PDE1C: variants seen among roughly 807,000 people sequenced by gnomAD.
PDE1C encodes the protein dual specificity calcium/calmodulin-dependent 3',5'-cyclic nucleotide phosphodiesterase 1C.
In PDE1C, 62 loss-of-function variants were observed where a neutral mutation model predicts 93.1. That is an observed-to-expected ratio of 0.67 (90% CI 0.54 to 0.82). The LOEUF (loss-of-function observed/expected upper bound fraction) is 0.82, where lower values mean the gene tolerates loss of function less well. PDE1C is among the 40% of genes least tolerant of loss of function. The probability of loss-of-function intolerance (pLI) is 0.00; values close to 1 mark genes in which losing one functional copy is unlikely to be tolerated. For synonymous variants in PDE1C, 325 were observed against 310.1 expected (o/e 1.05, Z -0.50); for missense variants, 742 against 884.6 (o/e 0.84, Z 2.04).
intron 3 of PDE1C, among the ~76,000 whole-genome samples, chr7:32,092,869 G>T (rs1289181758): frequency 8.2e-6 from 1 of 121,696 alleles, no homozygotes; most frequent in Non-Finnish European, 1.7e-5. Context: ...TGTGAATTCA[G>T]CATTATTACT....
chr7:31,713,674 A>G, the PDE1C span, among the ~76,000 whole-genome samples: 2 of 152,114 alleles, frequency 1.3e-5, no homozygotes, highest in Non-Finnish European at 2.9e-5. Flanking sequence ...AGGCATTTCC[A>G]TGTATCCTCT....
At chr7:31,622,681 C>T in the PDE1C span, among the ~76,000 whole-genome samples, 4 of 152,136 alleles carry the variant, frequency 2.6e-5, no homozygotes, top group South Asian at 4.2e-4. Flanking sequence ...GACACCCTAA[C>T]ATCACAATTA....
intron 2 of PDE1C, among the ~76,000 whole-genome samples, chr7:31,949,530 C>G (rs1341806420): frequency 6.6e-6 from 1 of 152,122 alleles, no homozygotes; most frequent in Non-Finnish European, 1.5e-5. Flanking sequence ...TATGTTTTCA[C>G]TTTTTATTTC....
chr7:32,415,096 C>T (rs1165486669), intron 1 of PDE1C, among the ~76,000 whole-genome samples: 2 of 152,082 alleles, frequency 1.3e-5, no homozygotes, highest in Non-Finnish European at 1.5e-5. Context: ...TTGGGAGGAT[C>T]GCTTGAGGCC....
the PDE1C span, among the ~76,000 whole-genome samples, chr7:31,649,054 TTCAC>T: frequency 6.6e-6 from 1 of 152,216 alleles, no homozygotes; most frequent in Non-Finnish European, 1.5e-5. Context: ...GTGTTTCAAA[TTCAC>T]TCACATTGAT....
chr7:32,188,220 G>GC (rs987961289), intron 2 of PDE1C, among the ~76,000 whole-genome samples: 1 of 149,018 alleles, frequency 6.7e-6, no homozygotes, highest in Non-Finnish European at 1.5e-5. Context: ...AAATTGGGGG[G>GC]GGATTTTACT....
intron 16 of PDE1C, among the ~76,000 whole-genome samples, chr7:31,779,416 C>A (rs1355763441): frequency 1.1e-4 from 17 of 152,218 alleles, no homozygotes; most frequent in Non-Finnish European, 7.3e-5. Flanking sequence ...TGACTATAAT[C>A]TTCCAAAAGC....
At chr7:31,734,103 T>G in the PDE1C span, among the ~76,000 whole-genome samples, 3 of 152,098 alleles carry the variant, frequency 2.0e-5, no homozygotes, top group Non-Finnish European at 2.9e-5. Context: ...GATTCAGATG[T>G]TTTCAGAAGG....
At chr7:32,222,167 C>A (rs913955326) in intron 1 of PDE1C, among the ~76,000 whole-genome samples, 22 of 152,134 alleles carry the variant, frequency 1.4e-4, no homozygotes, top group Admixed American at 1.1e-3. Context: ...CACAAACACA[C>A]CTCCCCAACA....
At chr7:31,985,986 G>A (rs879802910) in intron 2 of PDE1C, among the ~76,000 whole-genome samples, 18 of 152,144 alleles carry the variant, frequency 1.2e-4, no homozygotes, top group Non-Finnish European at 2.1e-4. Flanking sequence ...CACAGTTAGG[G>A]TGAAGTGGAT....
At chr7:31,745,218 TA>T in the PDE1C span, among the ~76,000 whole-genome samples, 1 of 152,338 alleles carries the variant, frequency 6.6e-6, no homozygotes, top group Non-Finnish European at 1.5e-5. Flanking sequence ...AGACTATTTC[TA>T]AGCCTGGTGA....
chr7:31,809,171 T>A (rs1393017009), intron 15 of PDE1C, 63 bp from the exon 16 acceptor site: 1 of 890,792 alleles, frequency 1.1e-6, no homozygotes, highest in Non-Finnish European at 1.9e-6. Flanking sequence ...TATAAACATC[T>A]TTAAGTCTGC....
chr7:31,988,626 C>T (rs1016374365), intron 2 of PDE1C, among the ~76,000 whole-genome samples: 5 of 152,130 alleles, frequency 3.3e-5, no homozygotes, highest in African/African-American at 4.8e-5. Flanking sequence ...GAGACTGAAG[C>T]AAGAGAATCA....
At chr7:32,143,933 G>A (rs188807435) in intron 3 of PDE1C, among the ~76,000 whole-genome samples, 2 of 152,150 alleles carry the variant, frequency 1.3e-5, no homozygotes, top group South Asian at 2.1e-4. Context: ...ACAAGAGCAC[G>A]CATTCTGCCC....
At chr7:32,006,221 T>C (rs1786232212) in intron 2 of PDE1C, among the ~76,000 whole-genome samples, 1 of 152,214 alleles carries the variant, frequency 6.6e-6, no homozygotes, top group Non-Finnish European at 1.5e-5. Context: ...CTTCTTTGCC[T>C]GAAACAGCTC....
chr7:32,225,256 A>G (rs1395553419), intron 1 of PDE1C, among the ~76,000 whole-genome samples: 1 of 152,140 alleles, frequency 6.6e-6, no homozygotes, highest in African/African-American at 2.4e-5. Flanking sequence ...ATAAACCTTC[A>G]TGGACGCACC....
chr7:32,221,029 G>T (rs1364988914), intron 1 of PDE1C, among the ~76,000 whole-genome samples: 2 of 152,040 alleles, frequency 1.3e-5, no homozygotes, highest in Non-Finnish European at 2.9e-5. Context: ...TCTTCATGCT[G>T]CCCCTCACAG....
At chr7:31,691,797 T>TAAAAAAAAAAAAAAAA in the PDE1C span, among the ~76,000 whole-genome samples, 15 of 86,538 alleles carry the variant, frequency 1.7e-4, no homozygotes, top group Non-Finnish European at 1.8e-4. Flanking sequence ...ATGTAATGAT[T>TAAAAAAAAAAAAAAAA]AAAAAAAAAA....
At chr7:32,130,654 G>A (rs1389650893) in intron 3 of PDE1C, among the ~76,000 whole-genome samples, 6 of 151,908 alleles carry the variant, frequency 3.9e-5, no homozygotes, top group African/African-American at 2.4e-5. Context: ...TCTTGTCCCT[G>A]TAGTATTCAC....
Sources: gnomAD v4.1 joint callset for allele counts (sites outside exome capture counted in the v4.1 genomes callset) on GRCh38, gnomAD v4.1.1 for gene constraint, MANE v1.5 for transcripts, NCBI Gene and HGNC (gene_info 2026-07-23, HGNC 2026-07-21) for gene names.